TTC7B: variants seen among roughly 807,000 people sequenced by gnomAD.
The protein encoded by TTC7B is tetratricopeptide repeat domain 7B, also known as tetratricopeptide repeat protein 7B.
In TTC7B, 28 loss-of-function variants were observed where a neutral mutation model predicts 106.8. The ratio of observed to expected loss-of-function variants is 0.26; its 90% CI spans 0.19 to 0.36. TTC7B has a LOEUF of 0.36. Ranked by LOEUF, TTC7B falls within the 10% of genes least tolerant of loss-of-function variation. The pLI is 1.00. For missense variants in TTC7B, 862 were observed against 1,076.4 expected (o/e 0.80, Z 2.79); for synonymous variants, 405 against 430.6 (o/e 0.94, Z 0.74).
intron 3 of TTC7B, among the ~76,000 whole-genome samples, chr14:90,775,577 C>T (rs1890999959): frequency 6.6e-6 from 1 of 152,090 alleles, no homozygotes; most frequent in Non-Finnish European, 1.5e-5. Context: ...GTGCTTTACA[C>T]CTGGGCACCT....
At chr14:90,579,923 A>G (rs1277379641) in intron 18 of TTC7B, among the ~76,000 whole-genome samples, 1 of 152,032 alleles carries the variant, frequency 6.6e-6, no homozygotes, top group African/African-American at 2.4e-5. Context: ...TTATGCAGAG[A>G]CTCCCCTCCC....
At chr14:90,559,928 C>T (rs936562503) in intron 19 of TTC7B, among the ~76,000 whole-genome samples, 2 of 152,246 alleles carry the variant, frequency 1.3e-5, no homozygotes, top group Non-Finnish European at 2.9e-5. Context: ...GCTCCCCCAC[C>T]GTGCTACCCT....
In TTC7B at chr14:90,794,352, G is replaced by A. The variant is rs182133020; in HGVS notation, c.122-8024C>T. 3.7e-3 allele frequency among the ~76,000 whole-genome samples: 552 copies of A among 149,868 alleles called. 1 individual carries two copies. The highest frequency in any genetic ancestry group is 5.9e-3 in the Non-Finnish European group (403 of 67,762). Reference sequence around the variant, plus strand: ...AGTGATTCTCCTACCTCAGCCTCCCGAGTAGCTGGGACTACAGGCGCCTGC... The same window carrying A: ...AGTGATTCTCCTACCTCAGCCTCCCAAGTAGCTGGGACTACAGGCGCCTGC... On this transcript the variant is annotated intron_variant, in intron 1 of 19. Coordinates refer to ENST00000328459, the MANE Select transcript of TTC7B (RefSeq NM_001010854.2).
chr14:90,605,264 T>C (rs1439749102), intron 17 of TTC7B, among the ~76,000 whole-genome samples: 2 of 152,064 alleles, frequency 1.3e-5, no homozygotes, highest in East Asian at 3.8e-4. Context: ...AATGTCGTAA[T>C]TTGCCTTTTA....
At chr14:90,754,607 T>C (rs1303741824) in intron 3 of TTC7B, among the ~76,000 whole-genome samples, 3 of 152,196 alleles carry the variant, frequency 2.0e-5, no homozygotes, top group Admixed American at 2.0e-4. Context: ...TCACATACCA[T>C]AAAATTCACC....
At chr14:90,641,572 G>T (rs918775761) in intron 15 of TTC7B, among the ~76,000 whole-genome samples, 2 of 152,214 alleles carry the variant, frequency 1.3e-5, no homozygotes, top group African/African-American at 4.8e-5. Flanking sequence ...TTTTAATAAA[G>T]TATTCTTGGG....
At chr14:90,713,105 C>T (rs1169626370) in intron 5 of TTC7B, among the ~76,000 whole-genome samples, 1 of 152,160 alleles carries the variant, frequency 6.6e-6, no homozygotes. Context: ...CATTTCACCA[C>T]AGAGGAATAC....
chr14:90,748,844 A>C (rs151263235), intron 3 of TTC7B, among the ~76,000 whole-genome samples: 8 of 152,292 alleles, frequency 5.3e-5, no homozygotes, highest in African/African-American at 1.9e-4. Flanking sequence ...CCAAATTATA[A>C]TTTCCAGCTC....
chr14:90,528,039 T>A lies in TTC7B; in HGVS notation c.*13329A>T, dbSNP rs1196966284. ...ATTGGTTGACAAGGTTGGCATATGT[T>A]GTATGAATAAGAGCTTCCGTATGTG... On this transcript the variant is annotated 3_prime_UTR_variant, in exon 20 of 20. Coordinates refer to ENST00000328459, the MANE Select transcript of TTC7B (RefSeq NM_001010854.2). 1 of 152,026 alleles carries A rather than the reference T, an allele frequency of 6.6e-6. No homozygotes were observed. The highest frequency in any genetic ancestry group is 1.5e-5 in the Non-Finnish European group (1 of 67,992). 9.4% of individuals were successfully genotyped at this position (152,026 alleles called of 1,614,324 possible).
intron 1 of TTC7B, among the ~76,000 whole-genome samples, chr14:90,812,613 G>A (rs750654265): frequency 2.0e-5 from 3 of 152,136 alleles, no homozygotes; most frequent in Non-Finnish European, 2.9e-5. Context: ...CTAGGCTTCC[G>A]GGGGACTGTC....
At position 90,575,531 on chromosome 14, in the gene TTC7B, T is replaced by A. The variant is rs561645400; in HGVS notation, c.2310+2575A>T. 2.4e-4 allele frequency among the ~76,000 whole-genome samples: 36 copies of A among 152,224 alleles called. No homozygotes were observed. Among genetic ancestry groups the A allele is most frequent in the Admixed American group, 2.0e-3 (30 of 15,296 alleles). ...TGTGATGTCTCAGGGCTGAAGAGCC[T>A]GTGGGGTCCATGGGCTGCCCCTCCA... On this transcript the variant is annotated intron_variant, in intron 19 of 19. Transcript: ENST00000328459. This position sits in a 1 kb window ranked among gnomAD's most constrained non-coding sequence, Gnocchi z 5.2.
chr14:90,562,780 T>C (rs1890642774), intron 19 of TTC7B, among the ~76,000 whole-genome samples: 1 of 152,176 alleles, frequency 6.6e-6, no homozygotes, highest in African/African-American at 2.4e-5. Flanking sequence ...CATCATCCAC[T>C]AGCCTTTCCA....
chr14:90,587,005 T>A (rs1483847603), intron 18 of TTC7B, among the ~76,000 whole-genome samples: 1 of 152,200 alleles, frequency 6.6e-6, no homozygotes, highest in Non-Finnish European at 1.5e-5. Context: ...AGAAGGCATC[T>A]CAGGGTCCCC....
In TTC7B at chr14:90,657,507, T is replaced by C; in HGVS notation, c.1237-229A>G. 1 of 433,498 alleles carries C rather than the reference T, an allele frequency of 2.3e-6. No homozygotes were observed. 26.9% of individuals were successfully genotyped at this position (433,498 alleles called of 1,614,324 possible). A position where few individuals can be genotyped will look rare whatever the true frequency, so the allele number is the denominator to read the frequency against. On this transcript the variant is annotated intron_variant, in intron 10 of 19. Transcript: ENST00000328459. This position sits in a 1 kb window ranked among gnomAD's most constrained non-coding sequence, Gnocchi z 4.2. Reference sequence around the variant, plus strand: ...GCAGGAATGCTTCTCTGGCGCCACCTGAATTTCATTCCATACTTGTGTAGC... The same window carrying C: ...GCAGGAATGCTTCTCTGGCGCCACCCGAATTTCATTCCATACTTGTGTAGC...
intron 19 of TTC7B, among the ~76,000 whole-genome samples, chr14:90,572,740 C>T (rs981392124): frequency 3.3e-5 from 5 of 152,148 alleles, no homozygotes; most frequent in African/African-American, 1.2e-4. Flanking sequence ...CCACCATGCC[C>T]GGAACAAAAA....
At chr14:90,780,409 GAGAA>G (rs10586662) in intron 3 of TTC7B, among the ~76,000 whole-genome samples, 44,563 of 139,568 alleles carry the variant, frequency 0.32, 9,587 homozygotes, top group African/African-American at 0.64. Context: ...GAAAGAAACA[GAGAA>G]AGAAAGAAAG....
In TTC7B at chr14:90,657,240, G is replaced by A; in HGVS notation, c.1275C>T (p.Arg425=). ...RAVKVLKECI[R]LKPDDATIPL... ...GGATGGTGGCATCGTCTGGCTTCAG[G>A]CGGATACACTCTTTCAGCACCTTCA... Residue 425 remains arginine, a synonymous_variant, in exon 11 of 20, where the codon CGC becomes CGT. Transcript: ENST00000328459. This position sits in a 1 kb window ranked among gnomAD's most constrained non-coding sequence, Gnocchi z 4.2. 1 of 1,614,094 alleles carries A rather than the reference G, an allele frequency of 6.2e-7. No individual in the cohort carries two copies. The highest frequency in any genetic ancestry group is 1.7e-5 in the Admixed American group (1 of 60,034).
intron 5 of TTC7B, among the ~76,000 whole-genome samples, chr14:90,704,603 C>T (rs865918991): frequency 3.9e-5 from 6 of 152,184 alleles, no homozygotes; most frequent in South Asian, 4.1e-4. Context: ...AGGCTCCCAG[C>T]GGCACAGGCC....
chr14:90,601,723 G>C (rs1892432144), intron 17 of TTC7B, among the ~76,000 whole-genome samples: 1 of 152,188 alleles, frequency 6.6e-6, no homozygotes, highest in Non-Finnish European at 1.5e-5. Context: ...CTCCAATCCT[G>C]CTCAGCCACC....
Sources: allele counts gnomAD v4.1 joint callset (sites outside exome capture counted in the v4.1 genomes callset), GRCh38; gene constraint gnomAD v4.1.1; non-coding constraint Gnocchi (gnomAD v3.1); transcripts MANE v1.5; gene names NCBI Gene and HGNC (gene_info 2026-07-23, HGNC 2026-07-21).